SKI: variants seen among roughly 807,000 people sequenced by gnomAD.
SKI encodes the protein SKI proto-oncogene.
SKI carries 23 observed loss-of-function variants against 59.3 expected under a neutral mutation model. The ratio of observed to expected loss-of-function variants is 0.39; its 90% CI spans 0.28 to 0.55. SKI has a LOEUF of 0.55. SKI is among the 20% of genes least tolerant of loss of function. SKI has a pLI of 0.67. For missense variants in SKI, 1,017 were observed against 1,038.9 expected (o/e 0.98, Z 0.29); for synonymous variants, 673 against 488.6 (o/e 1.38, Z -4.98).
intron 1 of SKI, among the ~76,000 whole-genome samples, chr1:2,236,797 G>A (rs1380800884): frequency 1.3e-5 from 2 of 152,188 alleles, no homozygotes; most frequent in African/African-American, 4.8e-5. Context: ...GAAGTTGCTG[G>A]AATATTATTA....
At position 2,271,147 on chromosome 1, in the gene SKI, G is replaced by T. The variant is rs1252515654; in HGVS notation, c.970-31831G>T. On this transcript the variant is annotated intron_variant, in intron 1 of 6. Transcript: ENST00000378536. ...TGCACACAAGCCTGGGCTCCTTTGT[G>T]ATTGGCGACCCCAGGGTCCCGGGAC... 2.0e-5 allele frequency among the ~76,000 whole-genome samples: 3 copies of T among 152,182 alleles called. No homozygotes were observed. In the East Asian group the frequency reaches 5.8e-4, roughly 29 times the overall value.
chr1:2,288,342 T>A (rs1396988898), intron 1 of SKI, among the ~76,000 whole-genome samples: 2 of 152,164 alleles, frequency 1.3e-5, no homozygotes, highest in Non-Finnish European at 2.9e-5. Context: ...GGCTGGTCTC[T>A]AACTCCTAAC....
chr1:2,283,627 G>T (rs1416512527), intron 1 of SKI, among the ~76,000 whole-genome samples: 3 of 152,058 alleles, frequency 2.0e-5, no homozygotes, highest in African/African-American at 7.3e-5. Flanking sequence ...CAGGCTTGTG[G>T]CTTTGGGTAC....
Position 2,303,598 on chromosome 1 carries a change from G to A in SKI, c.1211+198G>A, listed in dbSNP as rs1475807990. On this transcript the variant is annotated intron_variant, in intron 3 of 6. Coordinates refer to ENST00000378536, the MANE Select transcript of SKI (RefSeq NM_003036.4). This position sits in a 1 kb window ranked among gnomAD's most constrained non-coding sequence, Gnocchi z 5.6. ...CGTTCCCTGTGTTCTGGGTGGAGTC[G>A]TGGGTGGAGCCCTGTCTGCTGGGCG... The A allele has an allele frequency of 1.5e-5, 10 of 687,638 alleles. No individual in the cohort carries two copies. Among genetic ancestry groups the A allele is most frequent in the Middle Eastern group, 4.0e-4 (1 of 2,482 alleles). 42.6% of individuals were successfully genotyped at this position (687,638 alleles called of 1,614,324 possible).
At chr1:2,299,976 G>T (rs1353253585) in intron 1 of SKI, among the ~76,000 whole-genome samples, 1 of 152,186 alleles carries the variant, frequency 6.6e-6, no homozygotes, top group Non-Finnish European at 1.5e-5. Context: ...CACCTGTTTG[G>T]GCCACCGCCT....
Position 2,269,539 on chromosome 1 carries a change from T to G in SKI, c.970-33439T>G, listed in dbSNP as rs893702951. 2.0e-5 allele frequency among the ~76,000 whole-genome samples: 3 copies of G among 152,254 alleles called. No homozygotes were observed. Among genetic ancestry groups the G allele is most frequent in the African/African-American group, 7.2e-5 (3 of 41,476 alleles). ...GTTCATCCCCGTTCCAGGCCCGCAC[T>G]AGTGGCGCCTGGTTATCAGGTGTGG... On this transcript the variant is annotated intron_variant, in intron 1 of 6. Coordinates refer to ENST00000378536, the MANE Select transcript of SKI (RefSeq NM_003036.4). This position sits in a 1 kb window ranked among gnomAD's most constrained non-coding sequence, Gnocchi z 4.7.
chr1:2,254,035 G>A (rs1202532958), intron 1 of SKI, among the ~76,000 whole-genome samples: 2 of 152,244 alleles, frequency 1.3e-5, no homozygotes, highest in Admixed American at 6.5e-5. Context: ...GTCAGGCCAC[G>A]GATGCTTGTC....
chr1:2,285,283 C>G (rs976200225), intron 1 of SKI, among the ~76,000 whole-genome samples: 1 of 152,106 alleles, frequency 6.6e-6, no homozygotes, highest in Non-Finnish European at 1.5e-5. Context: ...GAGGCCGAGG[C>G]GGCTGGATCA....
intron 1 of SKI, among the ~76,000 whole-genome samples, chr1:2,242,796 C>T (rs565174079): frequency 6.6e-6 from 1 of 152,328 alleles, no homozygotes; most frequent in African/African-American, 2.4e-5. Flanking sequence ...CTGTGAGCCA[C>T]CACTCCTGGC....
intron 1 of SKI, among the ~76,000 whole-genome samples, chr1:2,235,828 C>T (rs963159291): frequency 2.6e-5 from 4 of 152,208 alleles, no homozygotes; most frequent in African/African-American, 9.6e-5. Context: ...CCGGAGGTGG[C>T]GTGGTGGTGC....
chr1:2,231,007 C>T (rs371842114), intron 1 of SKI, among the ~76,000 whole-genome samples: 1 of 152,108 alleles, frequency 6.6e-6, no homozygotes, highest in African/African-American at 2.4e-5. Context: ...GCTTCTGACC[C>T]TGCCAGGCCA....
intron 1 of SKI, among the ~76,000 whole-genome samples, chr1:2,232,259 G>A (rs1412536430): frequency 6.6e-6 from 1 of 152,242 alleles, no homozygotes; most frequent in African/African-American, 2.4e-5. Flanking sequence ...TTGCAGGGCT[G>A]CTGCTCCCAG....
At chr1:2,245,561 C>T (rs191787365) in intron 1 of SKI, among the ~76,000 whole-genome samples, 45 of 152,234 alleles carry the variant, frequency 3.0e-4, no homozygotes, top group Non-Finnish European at 4.3e-4. Context: ...CAGCCTCCAC[C>T]TCCTCCTGGG....
Position 2,309,789 on chromosome 1 carries a change from A to C in SKI, c.*3024A>C, listed in dbSNP as rs868244671. Reference sequence around the variant, plus strand: ...GTGGGTCCGATCCCCGGCCCCCCCCACCCCCTCCTCCCTGTGGGTCCGAAC... The same window carrying C: ...GTGGGTCCGATCCCCGGCCCCCCCCCCCCCCTCCTCCCTGTGGGTCCGAAC... On this transcript the variant is annotated 3_prime_UTR_variant, in exon 7 of 7. Coordinates refer to ENST00000378536, the MANE Select transcript of SKI (RefSeq NM_003036.4). 1.1e-3 allele frequency: 3 copies of C among 2,840 alleles called. No homozygotes were observed. The highest frequency in any genetic ancestry group is 1.7e-3 in the Non-Finnish European group (3 of 1,802). 0.2% of individuals were successfully genotyped at this position (2,840 alleles called of 1,614,324 possible). A position where few individuals can be genotyped will look rare whatever the true frequency, so the allele number is the denominator to read the frequency against.
At chr1:2,276,787 G>A (rs1332977024) in intron 1 of SKI, among the ~76,000 whole-genome samples, 1 of 152,194 alleles carries the variant, frequency 6.6e-6, no homozygotes, top group Non-Finnish European at 1.5e-5. Flanking sequence ...CTGTCTTTGC[G>A]TAACTTAGGA....
At chr1:2,256,571 G>A (rs1257668148) in intron 1 of SKI, among the ~76,000 whole-genome samples, 2 of 152,208 alleles carry the variant, frequency 1.3e-5, no homozygotes, top group Admixed American at 1.3e-4. Context: ...ATCCTTACCT[G>A]AGTAGCCACA....
intron 1 of SKI, among the ~76,000 whole-genome samples, chr1:2,246,013 C>T (rs1638986946): frequency 6.6e-6 from 1 of 151,916 alleles, no homozygotes; most frequent in Non-Finnish European, 1.5e-5. Flanking sequence ...CCAGGCTGGT[C>T]TCTGACTCCT....
At chr1:2,255,515 C>G (rs1330294054) in intron 1 of SKI, among the ~76,000 whole-genome samples, 1 of 152,078 alleles carries the variant, frequency 6.6e-6, no homozygotes, top group African/African-American at 2.4e-5. Flanking sequence ...CTGGAGCTCT[C>G]TGTGTCCTGA....
intron 1 of SKI, among the ~76,000 whole-genome samples, chr1:2,252,348 G>T (rs1639170726): frequency 6.6e-6 from 1 of 152,174 alleles, no homozygotes. Flanking sequence ...CCAGGAGGGT[G>T]CTGTGGCTGC....
Sources: gnomAD v4.1 joint callset for allele counts (sites outside exome capture counted in the v4.1 genomes callset) on GRCh38, gnomAD v4.1.1 for gene constraint, Gnocchi (gnomAD v3.1) non-coding constraint, MANE v1.5 for transcripts, NCBI Gene and HGNC (gene_info 2026-07-23, HGNC 2026-07-21) for gene names.